STARD13: variants seen among roughly 807,000 people sequenced by gnomAD.
STARD13 encodes stAR-related lipid transfer protein 13.
Under a neutral mutation model 106.4 loss-of-function variants are expected in STARD13, and 62 were observed. That is an observed-to-expected ratio of 0.58 (90% CI 0.48 to 0.72). The LOEUF (loss-of-function observed/expected upper bound fraction) is 0.72, where lower values mean the gene tolerates loss of function less well. Ranked by LOEUF, STARD13 falls within the 30% of genes least tolerant of loss-of-function variation. STARD13 has a pLI of 0.00. For missense variants in STARD13, 1,387 were observed against 1,424.0 expected (o/e 0.97, Z 0.42); for synonymous variants, 565 against 553.0 (o/e 1.02, Z -0.31).
chr13:33,539,999 C>A, the STARD13 span, among the ~76,000 whole-genome samples: 3 of 152,078 alleles, frequency 2.0e-5, no homozygotes, highest in Non-Finnish European at 4.4e-5. Context: ...TTAAAATGGG[C>A]AAAAGTTTTG....
chr13:33,375,670 A>G, the STARD13 span, among the ~76,000 whole-genome samples: 1 of 152,200 alleles, frequency 6.6e-6, no homozygotes, highest in African/African-American at 2.4e-5. Flanking sequence ...AGATTTCGTG[A>G]GAACTCACTA....
chr13:33,269,471 C>T (rs7318802), intron 1 of STARD13, among the ~76,000 whole-genome samples: 4,062 of 152,208 alleles, frequency 0.027, 92 homozygotes, highest in Non-Finnish European at 0.041. Flanking sequence ...TCAGACAGCC[C>T]GCTAAGACCA....
chr13:33,623,084 G>A, the STARD13 span, among the ~76,000 whole-genome samples: 1 of 151,838 alleles, frequency 6.6e-6, no homozygotes, highest in Non-Finnish European at 1.5e-5. Flanking sequence ...GGCAGCAGAG[G>A]GAGACTCCAT....
At chr13:33,430,931 G>A in the STARD13 span, among the ~76,000 whole-genome samples, 1 of 152,178 alleles carries the variant, frequency 6.6e-6, no homozygotes, top group Non-Finnish European at 1.5e-5. Context: ...GGAGGTGGAG[G>A]TGAAAAGAAG....
intron 1 of STARD13, among the ~76,000 whole-genome samples, chr13:33,207,833 G>A (rs184503911): frequency 4.6e-5 from 7 of 152,326 alleles, no homozygotes; most frequent in East Asian, 1.9e-4. Flanking sequence ...GGCCCTGCTC[G>A]ATGCAGGCTG....
chr13:33,545,709 G>A, the STARD13 span, among the ~76,000 whole-genome samples: 3 of 152,158 alleles, frequency 2.0e-5, no homozygotes, highest in Non-Finnish European at 4.4e-5. Context: ...AGAGCTGGTT[G>A]TTAAGAGCCT....
chr13:33,404,355 A>G, the STARD13 span, among the ~76,000 whole-genome samples: 1 of 152,228 alleles, frequency 6.6e-6, no homozygotes, highest in Non-Finnish European at 1.5e-5. Context: ...CCCACAAACA[A>G]GAAAAAGCAA....
At chr13:33,198,245 G>A (rs1030135773) in intron 1 of STARD13, among the ~76,000 whole-genome samples, 14 of 152,182 alleles carry the variant, frequency 9.2e-5, no homozygotes, top group Non-Finnish European at 1.6e-4. Context: ...AATCTAAATT[G>A]TCTTTGACTT....
At chr13:33,131,512 C>T (rs1480285530) in intron 4 of STARD13, among the ~76,000 whole-genome samples, 2 of 151,802 alleles carry the variant, frequency 1.3e-5, no homozygotes, top group Admixed American at 6.6e-5. Flanking sequence ...CATCAAGAGC[C>T]GGGCCTGCTA....
chr13:33,528,212 A>ATG, the STARD13 span, among the ~76,000 whole-genome samples: 3,591 of 125,532 alleles, frequency 0.029, 293 homozygotes, highest in African/African-American at 0.12. Context: ...ATACAGATAC[A>ATG]TGTGTGTGTG....
In STARD13 at chr13:33,104,074, CAA is replaced by C. The variant is rs1309621754; in HGVS notation, c.*1517_*1518del. The C allele has an allele frequency of 6.6e-6, 1 of 152,072 alleles. No individual in the cohort carries two copies. The highest frequency in any genetic ancestry group is 1.9e-4 in the East Asian group (1 of 5,188). The allele number at this position is 152,072 out of a possible 1,614,324, so 9.4% of individuals were successfully genotyped here. A position where few individuals can be genotyped will look rare whatever the true frequency, so the allele number is the denominator to read the frequency against. On this transcript the variant is annotated 3_prime_UTR_variant, in exon 14 of 14. Transcript: ENST00000336934. ...AAACATTACATAAATGCATATAATG[CAA>C]AAAAACCTGAAAACACTCATTTGCT...
the STARD13 span, among the ~76,000 whole-genome samples, chr13:33,508,240 T>C: frequency 3.3e-5 from 5 of 152,186 alleles, no homozygotes; most frequent in Non-Finnish European, 7.3e-5. Context: ...TAGTACTACA[T>C]TCCTAAAAAA....
chr13:33,397,852 C>T, the STARD13 span, among the ~76,000 whole-genome samples: 1 of 152,202 alleles, frequency 6.6e-6, no homozygotes, highest in African/African-American at 2.4e-5. Flanking sequence ...TCCTCATAGA[C>T]AGCATTCTCA....
the STARD13 span, among the ~76,000 whole-genome samples, chr13:33,470,594 T>G: frequency 1.3e-5 from 2 of 152,362 alleles, no homozygotes; most frequent in South Asian, 4.1e-4. Context: ...TGTTGTTTCC[T>G]GACTTTTTAA....
intron 1 of STARD13, among the ~76,000 whole-genome samples, chr13:33,284,544 G>T (rs1421002072): frequency 6.6e-6 from 1 of 151,968 alleles, no homozygotes; most frequent in East Asian, 1.9e-4. Context: ...TGTGTTAGGG[G>T]CTTCTTAGGA....
rs1208370968 is a variant in STARD13, at chr13:33,179,834, A to T, written c.170-12212T>A. Among the ~76,000 whole-genome samples, 3 of 152,216 alleles carry T rather than the reference A, an allele frequency of 2.0e-5. No individual in the cohort carries two copies. The East Asian group carries it at 5.8e-4, about 29-fold the overall frequency. ...GGAAAAGCCTTGCAGTTGAGGTGAG[A>T]TTCAGAAGAAGGCAGAAGAAGGTTA... On this transcript the variant is annotated intron_variant, in intron 1 of 13. Coordinates refer to ENST00000336934, the MANE Select transcript of STARD13 (RefSeq NM_178006.4).
the STARD13 span, among the ~76,000 whole-genome samples, chr13:33,382,640 G>T: frequency 6.6e-6 from 1 of 152,110 alleles, no homozygotes; most frequent in Non-Finnish European, 1.5e-5. Flanking sequence ...TAATTTAAGA[G>T]AGTAGAAATT....
chr13:33,193,004 A>G (rs1886358431), intron 1 of STARD13, among the ~76,000 whole-genome samples: 1 of 152,244 alleles, frequency 6.6e-6, no homozygotes. Context: ...AACTCATACC[A>G]CAGCTTTTGC....
chr13:33,650,800 C>G, the STARD13 span, among the ~76,000 whole-genome samples: 1 of 152,240 alleles, frequency 6.6e-6, no homozygotes, highest in Non-Finnish European at 1.5e-5. Context: ...GCAGTAAGTC[C>G]TCTTATAAAA....
Sources: allele counts gnomAD v4.1 joint callset (sites outside exome capture counted in the v4.1 genomes callset), GRCh38; gene constraint gnomAD v4.1.1; transcripts MANE v1.5; gene names NCBI Gene and HGNC (gene_info 2026-07-23, HGNC 2026-07-21).